The following CYP2J2 variants were observed in gnomAD, a reference collection of about 807,000 sequenced individuals.
CYP2J2 encodes cytochrome P450 family 2 subfamily J member 2.
In CYP2J2, 41 loss-of-function variants were observed where a neutral mutation model predicts 48.8. The ratio of observed to expected loss-of-function variants is 0.84; its 90% CI spans 0.66 to 1.09. The LOEUF (loss-of-function observed/expected upper bound fraction) is 1.09, where lower values mean the gene tolerates loss of function less well. Among genes scored for constraint, CYP2J2 ranks in the 50% least tolerant of loss-of-function variants. CYP2J2 has a pLI of 0.00. For missense variants in CYP2J2, 644 were observed against 617.3 expected (o/e 1.04, Z -0.46); for synonymous variants, 221 against 227.1 (o/e 0.97, Z 0.24).
chr1:59,963,231 A>G, the CYP2J2 span, among the ~76,000 whole-genome samples: 1 of 152,188 alleles, frequency 6.6e-6, no homozygotes, highest in Non-Finnish European at 1.5e-5. Flanking sequence ...ATCATTTTTA[A>G]GTGTACAATT....
At chr1:59,949,449 G>T in the CYP2J2 span, among the ~76,000 whole-genome samples, 1 of 152,058 alleles carries the variant, frequency 6.6e-6, no homozygotes, top group East Asian at 1.9e-4. Context: ...GTATATTTTT[G>T]ACTTATTTGT....
chr1:59,966,347 G>A, the CYP2J2 span, among the ~76,000 whole-genome samples: 2 of 152,116 alleles, frequency 1.3e-5, no homozygotes, highest in East Asian at 3.9e-4. Flanking sequence ...GAAAGACTTG[G>A]TATGTCCTGG....
chr1:59,916,078 A>G lies in CYP2J2; in HGVS notation c.233T>C (p.Leu78Pro). The G allele has an allele frequency of 6.2e-7, 1 of 1,610,078 alleles. No individual in the cohort carries two copies. Among genetic ancestry groups the G allele is most frequent in the Non-Finnish European group, 8.5e-7 (1 of 1,178,712 alleles). The change falls in exon 2 of 9, where the codon CTT becomes CCT. Residue 78 changes from leucine to proline, a missense_variant. Coordinates refer to ENST00000371204, the MANE Select transcript of CYP2J2 (RefSeq NM_000775.4). ...VQLFVKKYGN[L>P]FSLELGDISA... ...TATGTCACCAAGCTCCAAGCTAAAA[A>G]GGTTCCCATATTTCTTCACAAACTG...
upstream of CYP2J2, among the ~76,000 whole-genome samples, chr1:59,930,008 A>G (rs570328043): frequency 6.6e-6 from 1 of 152,322 alleles, no homozygotes; most frequent in African/African-American, 2.4e-5. Flanking sequence ...GAAATCCTGC[A>G]AGCAGCATGA....
chr1:59,917,893 A>C (rs985104472), intron 1 of CYP2J2, among the ~76,000 whole-genome samples: 3 of 152,156 alleles, frequency 2.0e-5, no homozygotes, highest in Non-Finnish European at 2.9e-5. Flanking sequence ...ATGCCTTTGC[A>C]CTTACACTCC....
chr1:59,947,565 T>C, the CYP2J2 span, among the ~76,000 whole-genome samples: 1,663 of 152,238 alleles, frequency 0.011, 24 homozygotes, highest in African/African-American at 0.038. Context: ...CCAGAGTTGC[T>C]AGGAGAGCTT....
At chr1:59,904,147 T>A (rs1574249004) in intron 7 of CYP2J2, among the ~76,000 whole-genome samples, 2 of 152,142 alleles carry the variant, frequency 1.3e-5, no homozygotes, top group South Asian at 2.1e-4. Context: ...CCGAGGTGGG[T>A]GGATCACGAG....
the CYP2J2 span, among the ~76,000 whole-genome samples, chr1:59,949,701 CTTT>C: frequency 5.0e-3 from 703 of 139,848 alleles, no homozygotes; most frequent in African/African-American, 0.014. Flanking sequence ...TGACTGGAAG[CTTT>C]TTTTTTTTTT....
chr1:59,903,731 T>C (rs1041342034), intron 7 of CYP2J2, among the ~76,000 whole-genome samples: 1 of 152,090 alleles, frequency 6.6e-6, no homozygotes, highest in Admixed American at 6.5e-5. Context: ...CTTAGACCAA[T>C]TGAAAAAATA....
Position 59,916,075 on chromosome 1 carries a change from A to G in CYP2J2, c.236T>C (p.Phe79Ser). The G allele has an allele frequency of 6.2e-7, 1 of 1,611,510 alleles. No homozygotes were observed. Among genetic ancestry groups the G allele is most frequent in the South Asian group, 1.1e-5 (1 of 90,468 alleles). The change falls in exon 2 of 9, where the codon TTT becomes TCT. Residue 79 changes from phenylalanine to serine, a missense_variant. Physicochemically the swap from Phe to Ser is radical, Grantham distance 155 (BLOSUM62 -2). Transcript: ENST00000371204. ...AGATATGTCACCAAGCTCCAAGCTA[A>G]AAAGGTTCCCATATTTCTTCACAAA... ...QLFVKKYGNL[F>S]SLELGDISAV... is the part of the protein sequence containing the mutation.
At chr1:59,954,061 T>C in the CYP2J2 span, among the ~76,000 whole-genome samples, 2 of 152,306 alleles carry the variant, frequency 1.3e-5, no homozygotes, top group East Asian at 3.9e-4. Flanking sequence ...TATGTCATGC[T>C]TCAGTAAAAT....
At chr1:59,932,924 G>T in the CYP2J2 span, among the ~76,000 whole-genome samples, 1 of 152,020 alleles carries the variant, frequency 6.6e-6, no homozygotes, top group African/African-American at 2.4e-5. Flanking sequence ...TGGTCTCGAA[G>T]TCCTGACCTC....
the CYP2J2 span, among the ~76,000 whole-genome samples, chr1:59,966,277 A>C: frequency 7.2e-4 from 109 of 152,328 alleles, no homozygotes; most frequent in Middle Eastern, 3.4e-3. Flanking sequence ...CCTCAACTTT[A>C]TCTCTTTCCA....
At chr1:59,963,768 T>C in the CYP2J2 span, among the ~76,000 whole-genome samples, 30 of 152,178 alleles carry the variant, frequency 2.0e-4, no homozygotes, top group Admixed American at 1.6e-3. Flanking sequence ...TGAATAGCTA[T>C]CAGGTCCTGG....
At chr1:59,956,111 G>A in the CYP2J2 span, among the ~76,000 whole-genome samples, 3,715 of 152,196 alleles carry the variant, frequency 0.024, 56 homozygotes, top group Non-Finnish European at 0.033. Context: ...GAATGGGAAA[G>A]AGAAAGAGAG....
chr1:59,917,366 G>A (rs901052903), intron 1 of CYP2J2, among the ~76,000 whole-genome samples: 1 of 152,208 alleles, frequency 6.6e-6, no homozygotes, highest in Admixed American at 6.5e-5. Context: ...CCATTGCTAA[G>A]CACCTTTCAT....
Position 59,894,080 on chromosome 1 carries a change from G to A in CYP2J2, c.1331-251C>T, listed in dbSNP as rs1380683626. Among the ~76,000 whole-genome samples the A allele has an allele frequency of 2.0e-5, 3 of 152,154 alleles. No individual in the cohort carries two copies. In the South Asian group the frequency reaches 6.2e-4, roughly 32 times the overall value. On this transcript the variant is annotated intron_variant, in intron 8 of 8. Transcript: ENST00000371204. ...GCAGGCGAGCTTCCAGAATGAAGTT[G>A]CAGGGTGTAGGACCATAGAAGCGGA...
chr1:59,947,296 A>ATTTT, the CYP2J2 span, among the ~76,000 whole-genome samples: 1 of 152,212 alleles, frequency 6.6e-6, no homozygotes, highest in Non-Finnish European at 1.5e-5. Flanking sequence ...TGAAAACTAA[A>ATTTT]ACACCAAAAG....
chr1:59,925,876 T>C (rs535781610), intron 1 of CYP2J2, among the ~76,000 whole-genome samples: 2 of 152,276 alleles, frequency 1.3e-5, no homozygotes, highest in East Asian at 1.9e-4. Flanking sequence ...AAAACCAGTA[T>C]TGGTTTCTTG....
Sources: gnomAD v4.1 joint callset for allele counts (sites outside exome capture counted in the v4.1 genomes callset) on GRCh38, gnomAD v4.1.1 for gene constraint, MANE v1.5 for transcripts, NCBI Gene and HGNC (gene_info 2026-07-23, HGNC 2026-07-21) for gene names.